Variants in CLDN11 observed in about 807,000 individuals in gnomAD.
The protein encoded by CLDN11 is claudin-11.
In CLDN11, 1 loss-of-function variant was observed where a neutral mutation model predicts 18.0. That is an observed-to-expected ratio of 0.06 (90% CI 0.02 to 0.26). The LOEUF is 0.26. Among genes scored for constraint, CLDN11 ranks in the 10% least tolerant of loss-of-function variants. The probability of loss-of-function intolerance (pLI) is 1.00; values close to 1 mark genes in which losing one functional copy is unlikely to be tolerated. For missense variants in CLDN11, 172 were observed against 276.6 expected (o/e 0.62, Z 2.68); for synonymous variants, 116 against 121.5 (o/e 0.96, Z 0.30).
chr3:170,428,071 C>T (rs898324430), intron 2 of CLDN11, among the ~76,000 whole-genome samples: 9 of 148,528 alleles, frequency 6.1e-5, no homozygotes, highest in African/African-American at 1.7e-4. Flanking sequence ...GATTGATGCT[C>T]GGGAGAATGA....
At position 170,423,158 on chromosome 3, in the gene CLDN11, C is replaced by A. The variant is rs984785224; in HGVS notation, c.227-5C>A. ...AACCTTTCCCATCTGCTCTCTTGTT[C>A]CCAGGCTACGTGCAGGCCTGCCGCG... On this transcript the variant is annotated splice_region_variant and splice_polypyrimidine_tract_variant and intron_variant, in intron 1 of 2. Coordinates refer to ENST00000064724, the MANE Select transcript of CLDN11 (RefSeq NM_005602.6). 6.2e-7 allele frequency: 1 copy of A among 1,614,068 alleles called. No individual in the cohort carries two copies. The highest frequency in any genetic ancestry group is 8.5e-7 in the Non-Finnish European group (1 of 1,180,042).
intron 2 of CLDN11, among the ~76,000 whole-genome samples, chr3:170,425,879 C>T (rs1038660188): frequency 2.0e-5 from 3 of 152,218 alleles, no homozygotes; most frequent in Non-Finnish European, 4.4e-5. Context: ...ATGTAAAGCT[C>T]ATTGTCTCAA....
chr3:170,420,991 A>AT (rs1738710030), intron 1 of CLDN11, among the ~76,000 whole-genome samples: 1 of 152,242 alleles, frequency 6.6e-6, no homozygotes, highest in Admixed American at 6.5e-5. Flanking sequence ...TACCTATAGT[A>AT]TTTTATTAAA....
intron 1 of CLDN11, among the ~76,000 whole-genome samples, chr3:170,421,546 C>T (rs1367742819): frequency 1.3e-5 from 2 of 152,124 alleles, no homozygotes; most frequent in South Asian, 2.1e-4. Context: ...TAAGAGACAG[C>T]GTTGAAGTTA....
intron 2 of CLDN11, 40 bp from the exon 3 acceptor site, chr3:170,432,484 G>C: frequency 6.2e-7 from 1 of 1,607,834 alleles, no homozygotes; most frequent in African/African-American, 1.3e-5. Context: ...CTTGGTGTGT[G>C]ATGGTTGCGC....
intron 2 of CLDN11, among the ~76,000 whole-genome samples, chr3:170,428,460 A>G (rs1305571541): frequency 6.6e-6 from 1 of 152,236 alleles, no homozygotes; most frequent in Non-Finnish European, 1.5e-5. Context: ...TCAATTAAAG[A>G]ATGTATTGTG....
chr3:170,430,384 G>A (rs944394273), intron 2 of CLDN11, among the ~76,000 whole-genome samples: 2 of 152,086 alleles, frequency 1.3e-5, no homozygotes, highest in Non-Finnish European at 2.9e-5. Context: ...GAGGTTTCAC[G>A]TACACACTGC....
At chr3:170,421,361 C>T (rs1738719000) in intron 1 of CLDN11, 2 of 941,544 alleles carry the variant, frequency 2.1e-6, no homozygotes, top group Non-Finnish European at 2.5e-6. Flanking sequence ...CTCTACAAGC[C>T]GCAGAGGCGG....
intron 1 of CLDN11, among the ~76,000 whole-genome samples, chr3:170,421,611 T>G (rs151149604): frequency 6.6e-6 from 1 of 152,302 alleles, no homozygotes; most frequent in Non-Finnish European, 1.5e-5. Context: ...GCTAGATTCC[T>G]GGCTTTGCTA....
chr3:170,425,401 A>G (rs1738829831), intron 2 of CLDN11, among the ~76,000 whole-genome samples: 1 of 152,196 alleles, frequency 6.6e-6, no homozygotes, highest in African/African-American at 2.4e-5. Context: ...AAACATACAA[A>G]CCCTGGAAAA....
At chr3:170,432,124 C>T (rs1739015977) in intron 2 of CLDN11, among the ~76,000 whole-genome samples, 1 of 152,134 alleles carries the variant, frequency 6.6e-6, no homozygotes, top group Non-Finnish European at 1.5e-5. Context: ...CTTCAAAGAA[C>T]TCAGAGCTTA....
intron 2 of CLDN11, among the ~76,000 whole-genome samples, chr3:170,427,427 G>C (rs192138122): frequency 6.6e-6 from 1 of 152,200 alleles, no homozygotes. Context: ...TTCGAAACCA[G>C]CCTGACCAAC....
intron 2 of CLDN11, 103 bp downstream of exon 2, chr3:170,423,430 G>A: frequency 7.7e-7 from 1 of 1,291,274 alleles, no homozygotes; most frequent in Non-Finnish European, 1.1e-6. Context: ...GTGAAAGGAA[G>A]CCAAGTGAAG....
At chr3:170,430,092 A>G (rs1738960539) in intron 2 of CLDN11, among the ~76,000 whole-genome samples, 1 of 152,264 alleles carries the variant, frequency 6.6e-6, no homozygotes, top group South Asian at 2.1e-4. Context: ...TGCCCACAGC[A>G]GAACGAATGC....
At chr3:170,429,411 C>T (rs1241105834) in intron 2 of CLDN11, among the ~76,000 whole-genome samples, 5 of 152,106 alleles carry the variant, frequency 3.3e-5, no homozygotes, top group Non-Finnish European at 5.9e-5. Context: ...GATGAGCTTG[C>T]GACTTTAAGT....
intron 2 of CLDN11, 50 bp from the exon 3 acceptor site, chr3:170,432,474 C>T (rs1739022943): frequency 1.2e-6 from 2 of 1,606,318 alleles, no homozygotes; most frequent in Admixed American, 1.7e-5. Context: ...TGCCCAAGTG[C>T]TTGGTGTGTG....
intron 1 of CLDN11, among the ~76,000 whole-genome samples, chr3:170,420,201 A>C (rs1738691269): frequency 1.3e-5 from 2 of 152,256 alleles, no homozygotes; most frequent in Non-Finnish European, 2.9e-5. Flanking sequence ...GACAGCCTCA[A>C]TTCAGATTTA....
At chr3:170,424,032 A>G (rs112701834) in intron 2 of CLDN11, among the ~76,000 whole-genome samples, 2 of 150,066 alleles carry the variant, frequency 1.3e-5, no homozygotes, top group African/African-American at 5.0e-5. Flanking sequence ...CCAAAAAAAA[A>G]AAAAAAGAAA....
intron 2 of CLDN11, among the ~76,000 whole-genome samples, chr3:170,429,527 C>T (rs1350472387): frequency 6.6e-6 from 1 of 152,174 alleles, no homozygotes; most frequent in African/African-American, 2.4e-5. Context: ...TCCATCCATT[C>T]GTTCCCCCGT....
Sources: gnomAD v4.1 joint callset for allele counts (sites outside exome capture counted in the v4.1 genomes callset) on GRCh38, gnomAD v4.1.1 for gene constraint, MANE v1.5 for transcripts, NCBI Gene and HGNC (gene_info 2026-07-23, HGNC 2026-07-21) for gene names.